The following BRINP1 variants were observed in gnomAD, a reference collection of about 807,000 sequenced individuals.
BRINP1 encodes the protein BMP/retinoic acid inducible neural specific 1, also known as BMP/retinoic acid-inducible neural-specific protein 1.
BRINP1 carries 17 observed loss-of-function variants against 72.9 expected under a neutral mutation model. The observed-to-expected ratio is 0.23, with a 90% CI of 0.16 to 0.35. The LOEUF (loss-of-function observed/expected upper bound fraction) is 0.35, where lower values mean the gene tolerates loss of function less well. Among genes scored for constraint, BRINP1 ranks in the 10% least tolerant of loss-of-function variants. The pLI is 1.00. For missense variants in BRINP1, 850 were observed against 1,001.6 expected (o/e 0.85, Z 2.04); for synonymous variants, 418 against 378.5 (o/e 1.10, Z -1.21).
chr9:119,326,002 A>G lies in BRINP1; in HGVS notation c.-50-12597T>C, dbSNP rs560750454. ...TTTATAATAGGCAATTCATGGCTAA[A>G]TTTATTAGTAAGAGTGAATGAAAGA... On this transcript the variant is annotated intron_variant, in intron 1 of 7. Transcript: ENST00000265922. 1.4e-4 allele frequency among the ~76,000 whole-genome samples: 21 copies of G among 152,286 alleles called. No homozygotes were observed. The South Asian group carries it at 4.2e-3, about 30-fold the overall frequency.
At chr9:119,310,635 G>A (rs1233228972) in intron 2 of BRINP1, among the ~76,000 whole-genome samples, 1 of 152,160 alleles carries the variant, frequency 6.6e-6, no homozygotes, top group Non-Finnish European at 1.5e-5. Flanking sequence ...GGAGGGAACT[G>A]GTGGAAGCTT....
At chr9:119,326,898 G>C (rs575520558) in intron 1 of BRINP1, among the ~76,000 whole-genome samples, 7 of 152,182 alleles carry the variant, frequency 4.6e-5, no homozygotes, top group Non-Finnish European at 1.0e-4. Context: ...ATCTAGATGA[G>C]GCCTTAGAAG....
intron 2 of BRINP1, among the ~76,000 whole-genome samples, chr9:119,293,312 T>C (rs1202073560): frequency 2.0e-5 from 3 of 152,154 alleles, no homozygotes; most frequent in Non-Finnish European, 4.4e-5. Flanking sequence ...AAGCTAAATA[T>C]TTCTCATTCT....
At chr9:119,339,321 A>G (rs1004127330) in intron 1 of BRINP1, among the ~76,000 whole-genome samples, 2 of 152,198 alleles carry the variant, frequency 1.3e-5, no homozygotes, top group Non-Finnish European at 2.9e-5. Context: ...CAGTTTGCCA[A>G]CTTCTGAGCT....
At chr9:119,230,041 G>A (rs1263408586) in intron 5 of BRINP1, among the ~76,000 whole-genome samples, 1 of 151,982 alleles carries the variant, frequency 6.6e-6, no homozygotes, top group Non-Finnish European at 1.5e-5. Flanking sequence ...CCATCTAATG[G>A]CCTGGGGAGG....
At chr9:119,253,291 T>C (rs1041481741) in intron 2 of BRINP1, among the ~76,000 whole-genome samples, 1 of 152,152 alleles carries the variant, frequency 6.6e-6, no homozygotes, top group African/African-American at 2.4e-5. Flanking sequence ...GAAATACATA[T>C]TAAAGAGATA....
chr9:119,227,351 G>C (rs568522175), intron 5 of BRINP1, among the ~76,000 whole-genome samples: 1 of 151,838 alleles, frequency 6.6e-6, no homozygotes, highest in African/African-American at 2.4e-5. Flanking sequence ...CATTCTATTC[G>C]GTTTCTGATT....
At chr9:119,189,656 C>T (rs1345591049) in intron 7 of BRINP1, among the ~76,000 whole-genome samples, 1 of 152,006 alleles carries the variant, frequency 6.6e-6, no homozygotes, top group Non-Finnish European at 1.5e-5. Context: ...AACATTGGAG[C>T]ACTTAAATAT....
chr9:119,208,595 C>A, intron 7 of BRINP1, 124 bp downstream of exon 7: 1 of 921,476 alleles, frequency 1.1e-6, no homozygotes, highest in East Asian at 2.6e-5. Flanking sequence ...TTGGTCTGGA[C>A]CATGCGAGGT....
intron 1 of BRINP1, among the ~76,000 whole-genome samples, chr9:119,336,138 G>A (rs546467652): frequency 6.6e-5 from 10 of 152,274 alleles, no homozygotes; most frequent in Admixed American, 2.6e-4. Flanking sequence ...TCAGGGTGAT[G>A]TTTCCTTCAA....
intron 1 of BRINP1, among the ~76,000 whole-genome samples, chr9:119,351,250 T>C (rs937452494): frequency 6.6e-6 from 1 of 152,194 alleles, no homozygotes; most frequent in East Asian, 1.9e-4. Context: ...ACATTTTATG[T>C]GAGCAGCACA....
intron 1 of BRINP1, among the ~76,000 whole-genome samples, chr9:119,321,287 G>A (rs1315427203): frequency 6.6e-6 from 1 of 152,096 alleles, no homozygotes; most frequent in Non-Finnish European, 1.5e-5. Context: ...GAAAGGCGAA[G>A]TAACTGGCCT....
intron 2 of BRINP1, among the ~76,000 whole-genome samples, chr9:119,300,470 T>G (rs1830928182): frequency 6.6e-6 from 1 of 152,144 alleles, no homozygotes; most frequent in Admixed American, 6.5e-5. Context: ...TATCAAAATA[T>G]CTCATGTAAC....
intron 2 of BRINP1, among the ~76,000 whole-genome samples, chr9:119,289,650 A>G (rs548168270): frequency 6.6e-6 from 1 of 152,346 alleles, no homozygotes; most frequent in East Asian, 1.9e-4. Flanking sequence ...ATATAACCTC[A>G]CACAGAACCC....
chr9:119,257,877 C>T (rs915027908), intron 2 of BRINP1, among the ~76,000 whole-genome samples: 1 of 152,126 alleles, frequency 6.6e-6, no homozygotes, highest in Non-Finnish European at 1.5e-5. Context: ...AAATCCCCTG[C>T]CTGCCTTCAT....
At chr9:119,311,496 C>T (rs1016231983) in intron 2 of BRINP1, among the ~76,000 whole-genome samples, 5 of 151,984 alleles carry the variant, frequency 3.3e-5, no homozygotes, top group Non-Finnish European at 7.4e-5. Flanking sequence ...CCTGCCTGGT[C>T]ACCTCTTTGC....
At chr9:119,215,523 TA>T (rs562850217) in intron 5 of BRINP1, among the ~76,000 whole-genome samples, 12 of 152,208 alleles carry the variant, frequency 7.9e-5, no homozygotes, top group African/African-American at 1.7e-4. Context: ...TTATTTGGAT[TA>T]TTTTTTTTCT....
intron 7 of BRINP1, among the ~76,000 whole-genome samples, chr9:119,172,791 G>A (rs1395016671): frequency 6.6e-6 from 1 of 152,020 alleles, no homozygotes; most frequent in African/African-American, 2.4e-5. Flanking sequence ...CCACGATCAA[G>A]TGGGCTTCAT....
At chr9:119,187,497 C>T (rs970611706) in intron 7 of BRINP1, among the ~76,000 whole-genome samples, 3 of 151,880 alleles carry the variant, frequency 2.0e-5, no homozygotes, top group African/African-American at 7.3e-5. Flanking sequence ...TACACCAGTG[C>T]GCCCACCCAG....
Sources: allele counts gnomAD v4.1 joint callset (sites outside exome capture counted in the v4.1 genomes callset), GRCh38; gene constraint gnomAD v4.1.1; transcripts MANE v1.5; gene names NCBI Gene and HGNC (gene_info 2026-07-23, HGNC 2026-07-21).